Variants in KIF9 observed in about 807,000 individuals in gnomAD.
KIF9 encodes the protein kinesin-like protein KIF9.
Under a neutral mutation model 94.8 loss-of-function variants are expected in KIF9, and 68 were observed. That is an observed-to-expected ratio of 0.72 (90% CI 0.59 to 0.88). The LOEUF is 0.88. KIF9 is among the 40% of genes least tolerant of loss of function. The probability of loss-of-function intolerance (pLI) is 0.00; values close to 1 mark genes in which losing one functional copy is unlikely to be tolerated. For synonymous variants in KIF9, 343 were observed against 362.1 expected (o/e 0.95, Z 0.60); for missense variants, 882 against 982.5 (o/e 0.90, Z 1.37).
chr3:47,261,472 T>C (rs1576034908), intron 9 of KIF9, among the ~76,000 whole-genome samples: 1 of 152,246 alleles, frequency 6.6e-6, no homozygotes. Flanking sequence ...TCCTTGGCAG[T>C]GACGAACAGC....
At chr3:47,249,885 C>T (rs1700159679) in intron 10 of KIF9, among the ~76,000 whole-genome samples, 3 of 152,084 alleles carry the variant, frequency 2.0e-5, no homozygotes, top group Non-Finnish European at 4.4e-5. Flanking sequence ...CTTGTCTCTA[C>T]AAAAATTACA....
rs747650428 is a variant in KIF9, at chr3:47,240,861, G to A, written c.1864C>T (p.Arg622Trp). 21 of 1,613,974 alleles carry A rather than the reference G, an allele frequency of 1.3e-5. No homozygotes were observed. Among genetic ancestry groups the A allele is most frequent in the Non-Finnish European group, 1.5e-5 (18 of 1,180,044 alleles). ...ETTQHINAIK[R>W]EIDVTKEALN... ...GCCTCCTTGGTCACATCAATCTCCC[G>A]CTTGATGGCATTGATGTGCTGTGTG... Residue 622 changes from arginine to tryptophan, a missense_variant, in exon 17 of 21, where the codon CGG becomes TGG. Arg to Trp is a moderately radical substitution (Grantham distance 101, BLOSUM62 -3). Coordinates refer to ENST00000684063, the MANE Select transcript of KIF9 (RefSeq NM_182902.4).
intron 4 of KIF9, among the ~76,000 whole-genome samples, chr3:47,271,729 T>C (rs965523296): frequency 6.6e-6 from 1 of 152,232 alleles, no homozygotes; most frequent in Non-Finnish European, 1.5e-5. Context: ...TCATCATTTA[T>C]ATGCCTCTTT....
chr3:47,264,343 GT>G lies in KIF9; in HGVS notation c.923del (p.Asn308ThrfsTer7). ...THALKDSLGG[N>X]CNMVLVTNIY... Reference sequence around the variant, plus strand: ...TGTTTGTCACGAGGACCATATTGCAGTTTCCCCCTGCGGAAAGCAAGACACA... The same window carrying G: ...TGTTTGTCACGAGGACCATATTGCAGTTCCCCCTGCGGAAAGCAAGACACA... On this transcript the variant is annotated frameshift_variant, in exon 9 of 21. Transcript: ENST00000684063. LOFTEE classifies it high-confidence loss of function. The G allele has an allele frequency of 3.1e-6, 5 of 1,613,498 alleles. No individual in the cohort carries two copies. Among genetic ancestry groups the G allele is most frequent in the Non-Finnish European group, 4.2e-6 (5 of 1,179,438 alleles).
At chr3:47,240,692 C>T in intron 17 of KIF9, 109 bp downstream of exon 17, 9 of 892,410 alleles carry the variant, frequency 1.0e-5, no homozygotes, top group Non-Finnish European at 1.8e-6. Context: ...TCCCAGCACC[C>T]CCACTGGCCC....
intron 1 of KIF9, among the ~76,000 whole-genome samples, chr3:47,281,877 A>G (rs1283688928): frequency 6.6e-6 from 1 of 152,220 alleles, no homozygotes; most frequent in South Asian, 2.1e-4. Context: ...GGAAGGCACC[A>G]GGTGGGTCCC....
chr3:47,278,301 C>A (rs1702106009), intron 1 of KIF9, among the ~76,000 whole-genome samples: 1 of 152,086 alleles, frequency 6.6e-6, no homozygotes, highest in Admixed American at 6.6e-5. Flanking sequence ...GTCTTGAACT[C>A]CTAGCCTCAA....
intron 17 of KIF9, among the ~76,000 whole-genome samples, chr3:47,240,458 C>T (rs1037966029): frequency 6.6e-6 from 1 of 152,182 alleles, no homozygotes; most frequent in African/African-American, 2.4e-5. Flanking sequence ...ACCCACGGAC[C>T]TTGTAGAGGT....
intron 14 of KIF9, 147 bp downstream of exon 14, chr3:47,245,274 C>T (rs1699846208): frequency 5.5e-6 from 4 of 720,874 alleles, no homozygotes; most frequent in Non-Finnish European, 1.0e-5. Context: ...TTACTCTTAA[C>T]ACAGGTCACC....
At chr3:47,232,293 T>C (rs1221248754) in intron 20 of KIF9, among the ~76,000 whole-genome samples, 4 of 152,074 alleles carry the variant, frequency 2.6e-5, no homozygotes, top group South Asian at 4.1e-4. Flanking sequence ...TTTTGTTTTG[T>C]TTTGTTTTTT....
rs75364126 is a variant in KIF9, at chr3:47,231,092, A to G, written c.2323-2390T>C. ...AGAGAAATGAGGAGCTGGAAGAAAC[A>G]TAAGATATTTTAAGAGATACAGAGG... On this transcript the variant is annotated intron_variant, in intron 20 of 20. Transcript: ENST00000684063. Among the ~76,000 whole-genome samples, 15 of 152,316 alleles carry G rather than the reference A, an allele frequency of 9.8e-5. No individual in the cohort carries two copies. The East Asian group carries it at 2.9e-3, about 29-fold the overall frequency.
intron 3 of KIF9, among the ~76,000 whole-genome samples, chr3:47,274,557 G>C (rs566578692): frequency 2.0e-5 from 3 of 152,352 alleles, no homozygotes; most frequent in African/African-American, 7.2e-5. Flanking sequence ...TTCAGCATCT[G>C]AGTTGGAGCC....
intron 13 of KIF9, 126 bp from the exon 14 acceptor site, chr3:47,245,637 A>G: frequency 1.4e-6 from 1 of 720,220 alleles, no homozygotes. Flanking sequence ...CACCTTCATC[A>G]TGAACCAGAC....
At chr3:47,234,527 C>A (rs899985693) in intron 20 of KIF9, among the ~76,000 whole-genome samples, 1 of 151,114 alleles carries the variant, frequency 6.6e-6, no homozygotes, top group African/African-American at 2.4e-5. Context: ...AGCCACCGTG[C>A]CCAGCCAGAG....
chr3:47,277,984 TTTTC>T (rs1171464108), intron 1 of KIF9, among the ~76,000 whole-genome samples: 16 of 150,788 alleles, frequency 1.1e-4, no homozygotes, highest in Admixed American at 1.1e-3. Flanking sequence ...ATTCTCATCA[TTTTC>T]TTTCAGTGTG....
intron 8 of KIF9, 87 bp from the exon 9 acceptor site, chr3:47,264,437 CTTTT>C (rs753826255): frequency 9.4e-7 from 1 of 1,063,374 alleles, no homozygotes. Context: ...ATACTGAATG[CTTTT>C]TATTTGTTTT....
intron 10 of KIF9, among the ~76,000 whole-genome samples, chr3:47,249,874 C>T (rs1700158908): frequency 6.6e-6 from 1 of 152,114 alleles, no homozygotes; most frequent in South Asian, 2.1e-4. Flanking sequence ...CCTTGTGAAA[C>T]CTTGTCTCTA....
chr3:47,260,265 C>T (rs1054965610), intron 9 of KIF9, among the ~76,000 whole-genome samples: 6 of 145,686 alleles, frequency 4.1e-5, no homozygotes, highest in Non-Finnish European at 9.0e-5. Context: ...CTGACCCTCT[C>T]CCCACAATTG....
chr3:47,271,207 G>A, intron 5 of KIF9, 30 bp downstream of exon 5: 1 of 1,497,312 alleles, frequency 6.7e-7, no homozygotes, highest in Non-Finnish European at 9.3e-7. Flanking sequence ...GGGAGAGAAG[G>A]AAAGGAACCC....
Sources: allele counts gnomAD v4.1 joint callset (sites outside exome capture counted in the v4.1 genomes callset), GRCh38; gene constraint gnomAD v4.1.1; transcripts MANE v1.5; gene names NCBI Gene and HGNC (gene_info 2026-07-23, HGNC 2026-07-21).